The following IKZF3 variants were observed in gnomAD, a reference collection of about 807,000 sequenced individuals.
IKZF3 encodes zinc finger protein Aiolos.
In IKZF3, 10 loss-of-function variants were observed where a neutral mutation model predicts 49.0. The observed-to-expected ratio is 0.20, with a 90% CI of 0.13 to 0.35. The LOEUF (loss-of-function observed/expected upper bound fraction) is 0.35. Ranked by LOEUF, IKZF3 falls within the 10% of genes least tolerant of loss-of-function variation. The probability of loss-of-function intolerance (pLI) is 1.00; values close to 1 mark genes in which losing one functional copy is unlikely to be tolerated. For synonymous variants in IKZF3, 209 were observed against 228.2 expected, an observed-to-expected ratio of 0.92 and a Z score of 0.76; for missense variants, 498 against 664.8, an observed-to-expected ratio of 0.75 and a Z score of 2.76.
intron 3 of IKZF3, among the ~76,000 whole-genome samples, chr17:39,810,928 G>A (rs1029082671): frequency 3.9e-5 from 6 of 152,150 alleles, no homozygotes; most frequent in South Asian, 2.1e-4. Context: ...GGTGAGAAAT[G>A]TTCTTTTCTT....
intron 3 of IKZF3, among the ~76,000 whole-genome samples, chr17:39,804,132 C>T (rs889094817): frequency 1.3e-5 from 2 of 152,096 alleles, no homozygotes; most frequent in Non-Finnish European, 2.9e-5. Context: ...ACAAGGGCCT[C>T]GTTACTTTAG....
At chr17:39,795,532 G>A (rs1006195644) in intron 3 of IKZF3, among the ~76,000 whole-genome samples, 1 of 151,760 alleles carries the variant, frequency 6.6e-6, no homozygotes. Flanking sequence ...TCAGCCTCCC[G>A]AGTAGCTGGG....
chr17:39,789,165 G>A (rs887807171), intron 5 of IKZF3, among the ~76,000 whole-genome samples: 2 of 152,110 alleles, frequency 1.3e-5, no homozygotes, highest in African/African-American at 4.8e-5. Flanking sequence ...CGCAGTGGCT[G>A]ACACCTGTAA....
At chr17:39,793,734 G>T (rs905353406) in intron 3 of IKZF3, among the ~76,000 whole-genome samples, 5 of 152,114 alleles carry the variant, frequency 3.3e-5, no homozygotes, top group Non-Finnish European at 4.4e-5. Context: ...AGGAGAGGAG[G>T]GACTGGCTCA....
intron 3 of IKZF3, among the ~76,000 whole-genome samples, chr17:39,804,006 G>A (rs1403972213): frequency 2.6e-5 from 4 of 152,126 alleles, no homozygotes; most frequent in Non-Finnish European, 5.9e-5. Context: ...GTAGTTCTTG[G>A]TGTATATAGC....
chr17:39,776,857 AG>A (rs2060603427), intron 7 of IKZF3, among the ~76,000 whole-genome samples: 3 of 152,260 alleles, frequency 2.0e-5, no homozygotes, highest in Non-Finnish European at 4.4e-5. Context: ...ACTGATGTTG[AG>A]GGAGGTCTAT....
chr17:39,832,064 G>A, intron 2 of IKZF3, 34 bp downstream of exon 2: 1 of 1,506,496 alleles, frequency 6.6e-7, no homozygotes, highest in Non-Finnish European at 9.2e-7. Flanking sequence ...TTTTAGTAAA[G>A]GTATATTTCC....
At chr17:39,805,368 GA>G (rs2061411066) in intron 3 of IKZF3, among the ~76,000 whole-genome samples, 1 of 152,052 alleles carries the variant, frequency 6.6e-6, no homozygotes, top group Admixed American at 6.5e-5. Context: ...AAGACAGAGG[GA>G]AAAAATAAAT....
chr17:39,803,224 TAAAG>T (rs756294666), intron 3 of IKZF3, among the ~76,000 whole-genome samples: 2 of 152,206 alleles, frequency 1.3e-5, no homozygotes, highest in Non-Finnish European at 2.9e-5. Context: ...TTCTAAACTA[TAAAG>T]AGTCTACAAG....
intron 1 of IKZF3, among the ~76,000 whole-genome samples, chr17:39,863,561 T>G (rs1257948298): frequency 6.6e-6 from 1 of 152,184 alleles, no homozygotes; most frequent in Non-Finnish European, 1.5e-5. Context: ...GCAAGGATAG[T>G]GTTACGACTT....
chr17:39,788,910 A>G (rs2060939117), intron 5 of IKZF3, among the ~76,000 whole-genome samples: 1 of 152,182 alleles, frequency 6.6e-6, no homozygotes, highest in African/African-American at 2.4e-5. Context: ...CTAAAACAAT[A>G]AAAACTGAGC....
intron 3 of IKZF3, among the ~76,000 whole-genome samples, chr17:39,801,251 A>C (rs1286379741): frequency 6.6e-6 from 1 of 152,058 alleles, no homozygotes; most frequent in Non-Finnish European, 1.5e-5. Flanking sequence ...AAAGAAGCTT[A>C]ATCATCTTAA....
chr17:39,787,064 T>C (rs1019409259), intron 6 of IKZF3, among the ~76,000 whole-genome samples: 2 of 152,212 alleles, frequency 1.3e-5, no homozygotes, highest in Non-Finnish European at 2.9e-5. Flanking sequence ...AACTTTTCTG[T>C]TTTAGCCTAT....
At chr17:39,845,899 CG>C (rs2062618511) in intron 1 of IKZF3, among the ~76,000 whole-genome samples, 1 of 152,122 alleles carries the variant, frequency 6.6e-6, no homozygotes, top group African/African-American at 2.4e-5. Flanking sequence ...GTAAAAATAT[CG>C]ACCACAGGAT....
At chr17:39,835,852 G>C in intron 1 of IKZF3, 1 of 600,132 alleles carries the variant, frequency 1.7e-6, no homozygotes, top group Non-Finnish European at 3.2e-6. Context: ...ATCTCTGTAT[G>C]CTTACTGATC....
chr17:39,838,847 T>C (rs532596146), intron 1 of IKZF3, among the ~76,000 whole-genome samples: 135 of 152,340 alleles, frequency 8.9e-4, no homozygotes, highest in African/African-American at 3.1e-3. Context: ...TTACTTTTTT[T>C]TTAAGAGATA....
intron 3 of IKZF3, among the ~76,000 whole-genome samples, chr17:39,828,262 G>A (rs912269994): frequency 3.3e-5 from 5 of 152,190 alleles, no homozygotes; most frequent in African/African-American, 1.2e-4. Context: ...ATTGAATGCA[G>A]ATGTATTGCC....
intron 7 of IKZF3, among the ~76,000 whole-genome samples, chr17:39,776,485 G>T (rs1049719685): frequency 6.6e-6 from 1 of 152,194 alleles, no homozygotes; most frequent in African/African-American, 2.4e-5. Flanking sequence ...ACAGCAAGGA[G>T]GAGGGGATCT....
At chr17:39,861,049 C>T (rs1411237100) in intron 1 of IKZF3, among the ~76,000 whole-genome samples, 2 of 151,088 alleles carry the variant, frequency 1.3e-5, no homozygotes, top group African/African-American at 4.9e-5. Context: ...AAATGCATCA[C>T]AATAAACATA....
Sources: gnomAD v4.1 joint callset for allele counts (sites outside exome capture counted in the v4.1 genomes callset) on GRCh38, gnomAD v4.1.1 for gene constraint, MANE v1.5 for transcripts, NCBI Gene and HGNC (gene_info 2026-07-23, HGNC 2026-07-21) for gene names.